RUBCNL: variants seen among roughly 807,000 people sequenced by gnomAD.
RUBCNL encodes protein associated with UVRAG as autophagy enhancer.
A neutral mutation model predicts 69.5 loss-of-function variants in RUBCNL; 62 were observed. That is an observed-to-expected ratio of 0.89 (90% CI 0.73 to 1.10). The LOEUF (loss-of-function observed/expected upper bound fraction) is 1.10, where lower values mean the gene tolerates loss of function less well. RUBCNL is among the 50% of genes least tolerant of loss of function. The pLI, the probability that RUBCNL is intolerant of heterozygous loss-of-function variation, is 0.00. For synonymous variants in RUBCNL, 291 were observed against 303.6 expected (o/e 0.96, Z 0.43); for missense variants, 768 against 798.1 (o/e 0.96, Z 0.45).
At chr13:46,343,965 A>T (rs2138664799) in intron 14 of RUBCNL, among the ~76,000 whole-genome samples, 1 of 152,272 alleles carries the variant, frequency 6.6e-6, no homozygotes, top group South Asian at 2.1e-4. Flanking sequence ...CTGAAAGGCC[A>T]CCAAACTCCA....
chr13:46,349,161 G>A, intron 12 of RUBCNL, 125 bp downstream of exon 12: 1 of 744,124 alleles, frequency 1.3e-6, no homozygotes, highest in Non-Finnish European at 2.3e-6. Context: ...GATTTCCCAA[G>A]GAAAGCCATG....
At chr13:46,379,964 AAC>A (rs2049082988) in intron 1 of RUBCNL, among the ~76,000 whole-genome samples, 1 of 152,236 alleles carries the variant, frequency 6.6e-6, no homozygotes, top group Non-Finnish European at 1.5e-5. Flanking sequence ...CAGCTTCCAA[AAC>A]AGTGTCCAGG....
At chr13:46,364,728 C>T (rs928303088) in intron 5 of RUBCNL, among the ~76,000 whole-genome samples, 1 of 148,796 alleles carries the variant, frequency 6.7e-6, no homozygotes, top group African/African-American at 2.5e-5. Flanking sequence ...TTCTCAGGAC[C>T]AACTGGCAGT....
chr13:46,378,222 G>A lies in RUBCNL; in HGVS notation c.-238-217C>T, dbSNP rs188536139. ...CCCTTCCTCAGCTTATGTTCTGGAG[G>A]AAGGGAGATAGTGAATAGACATACA... On this transcript the variant is annotated intron_variant, in intron 1 of 14. Coordinates refer to ENST00000429979, the MANE Select transcript of RUBCNL (RefSeq NM_025113.5). Among the ~76,000 whole-genome samples the A allele has an allele frequency of 2.6e-4, 39 of 152,272 alleles. No individual in the cohort carries two copies. In the East Asian group the frequency reaches 7.3e-3, roughly 29 times the overall value.
intron 2 of RUBCNL, among the ~76,000 whole-genome samples, chr13:46,377,011 T>C (rs1216609590): frequency 1.3e-5 from 2 of 151,200 alleles, no homozygotes; most frequent in East Asian, 4.0e-4. Flanking sequence ...AACATCCTTG[T>C]TCATGTCATT....
intron 2 of RUBCNL, among the ~76,000 whole-genome samples, chr13:46,375,464 C>CT (rs1307547872): frequency 3.9e-5 from 6 of 152,038 alleles, no homozygotes; most frequent in Admixed American, 3.9e-4. Context: ...ACCTGGCAGG[C>CT]GGAGGTTGCA....
intron 1 of RUBCNL, among the ~76,000 whole-genome samples, chr13:46,386,685 T>C (rs1311770601): frequency 2.6e-5 from 4 of 152,184 alleles, no homozygotes; most frequent in African/African-American, 9.7e-5. Context: ...CTCAGTTATG[T>C]AGCCAAATGT....
At chr13:46,386,172 T>A (rs190726842) in intron 1 of RUBCNL, among the ~76,000 whole-genome samples, 1 of 152,196 alleles carries the variant, frequency 6.6e-6, no homozygotes, top group Admixed American at 6.5e-5. Context: ...TCCAGGCCAT[T>A]AACCTTCTAA....
Position 46,359,647 on chromosome 13 carries a change from A to C in RUBCNL, c.1120-16T>G. The C allele has an allele frequency of 1.3e-6, 2 of 1,548,608 alleles. No individual in the cohort carries two copies. The highest frequency in any genetic ancestry group is 1.7e-6 in the Non-Finnish European group (2 of 1,143,966). On this transcript the variant is annotated splice_polypyrimidine_tract_variant and intron_variant, in intron 8 of 14. Coordinates refer to ENST00000429979, the MANE Select transcript of RUBCNL (RefSeq NM_025113.5). ...CATTTACGACCTGCATAAGACATAAAATGATTTAGGAACAACTTAAGCATA... is the reference window on the plus strand; with the variant it reads ...CATTTACGACCTGCATAAGACATAACATGATTTAGGAACAACTTAAGCATA...
intron 3 of RUBCNL, among the ~76,000 whole-genome samples, chr13:46,369,257 C>T (rs1048183320): frequency 6.6e-6 from 1 of 152,188 alleles, no homozygotes; most frequent in African/African-American, 2.4e-5. Flanking sequence ...CTCTGTCACC[C>T]AGGCTAGAGT....
chr13:46,360,628 G>A (rs2048589754), intron 8 of RUBCNL, among the ~76,000 whole-genome samples: 1 of 152,164 alleles, frequency 6.6e-6, no homozygotes, highest in Non-Finnish European at 1.5e-5. Flanking sequence ...TCTGAAATCT[G>A]CAGTCAGCCT....
chr13:46,353,539 C>T (rs1022424274), intron 10 of RUBCNL, among the ~76,000 whole-genome samples: 4 of 152,202 alleles, frequency 2.6e-5, no homozygotes, highest in Admixed American at 2.6e-4. Context: ...GTGATTTTGC[C>T]TCCCAAGGGG....
At chr13:46,373,590 C>A (rs75217525) in intron 2 of RUBCNL, among the ~76,000 whole-genome samples, 1 of 152,172 alleles carries the variant, frequency 6.6e-6, no homozygotes, top group African/African-American at 2.4e-5. Flanking sequence ...ATTACAGGCT[C>A]GGGAAATGTT....
chr13:46,378,582 A>G (rs1333942242), intron 1 of RUBCNL: 2 of 152,378 alleles, frequency 1.3e-5, no homozygotes, highest in East Asian at 3.9e-4. Context: ...TCATTGTGAC[A>G]TCAGAGTCAG....
chr13:46,364,237 T>C (rs1394167161), intron 5 of RUBCNL, among the ~76,000 whole-genome samples: 2 of 151,468 alleles, frequency 1.3e-5, no homozygotes, highest in African/African-American at 4.9e-5. Context: ...CTACTAAAAA[T>C]ACAAAAAAAA....
rs1594122054 is a variant in RUBCNL, at chr13:46,336,406, G to C, written c.*6979C>G. ...ATTTATCATCTGTAATTTGTCATTA[G>C]TTTAAATGATCTATCATTTATTTAA... On this transcript the variant is annotated 3_prime_UTR_variant, in exon 15 of 15. Coordinates refer to ENST00000429979, the MANE Select transcript of RUBCNL (RefSeq NM_025113.5). Among the ~76,000 whole-genome samples, 1 of 152,028 alleles carries C rather than the reference G, an allele frequency of 6.6e-6. No homozygotes were observed. The highest frequency in any genetic ancestry group is 2.1e-4 in the South Asian group (1 of 4,820).
rs1185821256 is a variant in RUBCNL, at chr13:46,368,101, A to G, written c.767T>C (p.Phe256Ser). The G allele has an allele frequency of 6.2e-7, 1 of 1,614,014 alleles. No individual in the cohort carries two copies. The highest frequency in any genetic ancestry group is 1.7e-5 in the Admixed American group (1 of 60,020). ...GSDQPDSEMT[F>S]DTNIKQESGS... ...AGACTCTTGCTTTATGTTGGTATCA[A>G]AAGTCATTTCAGAGTCAGGCTGATC... Residue 256 changes from phenylalanine to serine, a missense_variant, in exon 5 of 15, where the codon TTT becomes TCT. Transcript: ENST00000429979.
intron 12 of RUBCNL, 77 bp downstream of exon 12, chr13:46,349,209 G>C: frequency 7.9e-7 from 1 of 1,263,616 alleles, no homozygotes; most frequent in Non-Finnish European, 1.2e-6. Flanking sequence ...TGTAATGGGG[G>C]AGCCAGATGC....
rs2048117505 is a variant in RUBCNL, at chr13:46,338,341, C to T, written c.*5044G>A. On this transcript the variant is annotated 3_prime_UTR_variant, in exon 15 of 15. Coordinates refer to ENST00000429979, the MANE Select transcript of RUBCNL (RefSeq NM_025113.5). ...TGGCTCAGGTATAGCTAGCATTGGG[C>T]CAACCCCTGCCCCTCTCTCTTCCCA... 1.3e-5 allele frequency among the ~76,000 whole-genome samples: 2 copies of T among 152,164 alleles called. No individual in the cohort carries two copies. Among genetic ancestry groups the T allele is most frequent in the African/African-American group, 2.4e-5 (1 of 41,436 alleles).
Sources: gnomAD v4.1 joint callset for allele counts (sites outside exome capture counted in the v4.1 genomes callset) on GRCh38, gnomAD v4.1.1 for gene constraint, MANE v1.5 for transcripts, NCBI Gene and HGNC (gene_info 2026-07-23, HGNC 2026-07-21) for gene names.